DPY19L3: variants seen among roughly 807,000 people sequenced by gnomAD.
DPY19L3 encodes the protein dpy-19 like C-mannosyltransferase 3.
A neutral mutation model predicts 92.3 loss-of-function variants in DPY19L3; 51 were observed. The observed-to-expected ratio is 0.55, with a 90% confidence interval of 0.44 to 0.70. DPY19L3 has a LOEUF of 0.70. DPY19L3 is among the 30% of genes least tolerant of loss of function. The pLI is 0.00. For synonymous variants in DPY19L3, 309 were observed against 315.2 expected, an observed-to-expected ratio of 0.98 and a Z score of 0.21; for missense variants, 706 against 855.9, an observed-to-expected ratio of 0.82 and a Z score of 2.18.
intron 3 of DPY19L3, among the ~76,000 whole-genome samples, chr19:32,427,681 C>T (rs1310305709): frequency 2.6e-5 from 4 of 152,208 alleles, no homozygotes; most frequent in Non-Finnish European, 5.9e-5. Flanking sequence ...TGGCACTTCT[C>T]ACATGCCACG....
chr19:32,436,238 T>A (rs1400775118), intron 4 of DPY19L3, among the ~76,000 whole-genome samples: 1 of 152,196 alleles, frequency 6.6e-6, no homozygotes, highest in East Asian at 1.9e-4. Flanking sequence ...AAGTTTTAAT[T>A]TACCTATGTT....
chr19:32,434,552 C>T (rs935827955), intron 4 of DPY19L3, among the ~76,000 whole-genome samples: 3 of 152,172 alleles, frequency 2.0e-5, no homozygotes, highest in Non-Finnish European at 2.9e-5. Context: ...CCAGCTACTC[C>T]GGAGGCTGAG....
intron 8 of DPY19L3, among the ~76,000 whole-genome samples, chr19:32,451,252 G>T (rs181863765): frequency 6.6e-6 from 1 of 152,224 alleles, no homozygotes; most frequent in Non-Finnish European, 1.5e-5. Flanking sequence ...GATATGGTAG[G>T]ATGTGAAGGA....
At chr19:32,408,638 A>G (rs1195416227) in intron 2 of DPY19L3, among the ~76,000 whole-genome samples, 1 of 151,862 alleles carries the variant, frequency 6.6e-6, no homozygotes, top group Non-Finnish European at 1.5e-5. Flanking sequence ...CCCCACCCAC[A>G]CCCCAGATTT....
At chr19:32,470,675 A>G (rs552765949) in intron 16 of DPY19L3, among the ~76,000 whole-genome samples, 97 of 152,042 alleles carry the variant, frequency 6.4e-4, no homozygotes, top group African/African-American at 2.2e-3. Flanking sequence ...AGAGAATACA[A>G]GTGTCCTATT....
chr19:32,479,967 G>A (rs908362849), intron 17 of DPY19L3, among the ~76,000 whole-genome samples: 2 of 152,214 alleles, frequency 1.3e-5, no homozygotes, highest in African/African-American at 4.8e-5. Flanking sequence ...AGAAGCTGGG[G>A]CTCTGCCTTA....
At chr19:32,414,169 C>G (rs1206994283) in intron 3 of DPY19L3, among the ~76,000 whole-genome samples, 2 of 152,088 alleles carry the variant, frequency 1.3e-5, no homozygotes, top group African/African-American at 4.8e-5. Flanking sequence ...ACCTTTAATG[C>G]CCGCACTTTG....
chr19:32,438,486 ATTGT>A (rs1969218300), intron 6 of DPY19L3, among the ~76,000 whole-genome samples: 1 of 152,060 alleles, frequency 6.6e-6, no homozygotes, highest in East Asian at 1.9e-4. Flanking sequence ...TGTTTGATAC[ATTGT>A]TTCATATATA....
intron 4 of DPY19L3, among the ~76,000 whole-genome samples, chr19:32,433,614 A>G (rs1438986141): frequency 6.6e-6 from 1 of 151,998 alleles, no homozygotes; most frequent in Non-Finnish European, 1.5e-5. Context: ...GTGGAGACGA[A>G]GTCTCACTGT....
intron 8 of DPY19L3, among the ~76,000 whole-genome samples, chr19:32,441,385 C>G (rs1380134441): frequency 6.6e-6 from 1 of 151,912 alleles, no homozygotes; most frequent in African/African-American, 2.4e-5. Flanking sequence ...AGTAAAGGTT[C>G]TGGAAAAATA....
chr19:32,475,328 A>G, intron 16 of DPY19L3, among the ~76,000 whole-genome samples: 1 of 152,212 alleles, frequency 6.6e-6, no homozygotes, highest in East Asian at 1.9e-4. Context: ...ACTACAAACC[A>G]GGATCATTCG....
chr19:32,483,234 T>C lies in DPY19L3; in HGVS notation c.*994T>C, dbSNP rs1195388847. On this transcript the variant is annotated 3_prime_UTR_variant, in exon 19 of 19. Coordinates refer to ENST00000392250, the MANE Select transcript of DPY19L3 (RefSeq NM_001172774.2). ...GCAGACAGCATTTTCAGACAGCATTTTCATACCAAGTTTGACTTGTGGTCT... is the reference window on the plus strand; with the variant it reads ...GCAGACAGCATTTTCAGACAGCATTCTCATACCAAGTTTGACTTGTGGTCT... The C allele has an allele frequency of 6.6e-6, 1 of 152,418 alleles. No individual in the cohort carries two copies. Among genetic ancestry groups the C allele is most frequent in the African/African-American group, 2.4e-5 (1 of 41,450 alleles). The allele number at this position is 152,418 out of a possible 1,614,324, so 9.4% of individuals were successfully genotyped here.
intron 16 of DPY19L3, among the ~76,000 whole-genome samples, chr19:32,471,228 G>A (rs190410117): frequency 2.0e-5 from 3 of 152,292 alleles, no homozygotes; most frequent in Non-Finnish European, 4.4e-5. Flanking sequence ...TCTTTCAGAC[G>A]CATGGGCTGT....
chr19:32,413,681 GTTC>G (rs1226911774), intron 3 of DPY19L3, among the ~76,000 whole-genome samples: 1 of 149,498 alleles, frequency 6.7e-6, no homozygotes, highest in East Asian at 2.0e-4. Flanking sequence ...ACAGTAGGTA[GTTC>G]TTCTTGTCAG....
Position 32,432,807 on chromosome 19 carries a change from G to GTA in DPY19L3, c.328+2_328+3dup, listed in dbSNP as rs1248799509. On this transcript the variant is annotated splice_donor_variant, in intron 4 of 18. Transcript: ENST00000392250. LOFTEE classifies it high-confidence loss of function. Reference sequence around the variant, plus strand: ...CTGCAGGCTCCAACCCTCGTGCAAGGTAATTACAACTGATAGTTTCATTTG... The same window carrying GTA: ...CTGCAGGCTCCAACCCTCGTGCAAGGTATAATTACAACTGATAGTTTCATTTG... 1.2e-6 allele frequency: 2 copies of GTA among 1,613,152 alleles called. No individual in the cohort carries two copies. Among genetic ancestry groups the GTA allele is most frequent in the African/African-American group, 2.7e-5 (2 of 74,852 alleles).
chr19:32,429,999 T>C (rs1006853160), intron 3 of DPY19L3, among the ~76,000 whole-genome samples: 2 of 152,222 alleles, frequency 1.3e-5, no homozygotes, highest in African/African-American at 4.8e-5. Flanking sequence ...TTGCCTTTAC[T>C]GCTATGAAAG....
At chr19:32,452,131 G>A (rs963135544) in intron 8 of DPY19L3, among the ~76,000 whole-genome samples, 1 of 152,190 alleles carries the variant, frequency 6.6e-6, no homozygotes, top group Non-Finnish European at 1.5e-5. Flanking sequence ...TGGCCACCAG[G>A]CATTTTCATC....
At chr19:32,416,391 G>A (rs532314857) in intron 3 of DPY19L3, among the ~76,000 whole-genome samples, 36 of 152,310 alleles carry the variant, frequency 2.4e-4, no homozygotes, top group African/African-American at 7.5e-4. Context: ...GCTATCCACC[G>A]TTAGGCCAAA....
intron 10 of DPY19L3, among the ~76,000 whole-genome samples, chr19:32,457,771 T>G (rs755682933): frequency 1.3e-5 from 2 of 152,222 alleles, no homozygotes; most frequent in Admixed American, 1.3e-4. Context: ...TTTTCTGGTC[T>G]GAAAACTTAT....
Sources: gnomAD v4.1 joint callset for allele counts (sites outside exome capture counted in the v4.1 genomes callset) on GRCh38, gnomAD v4.1.1 for gene constraint, MANE v1.5 for transcripts, NCBI Gene and HGNC (gene_info 2026-07-23, HGNC 2026-07-21) for gene names.